PRKAA1: variants seen among roughly 807,000 people sequenced by gnomAD.
PRKAA1 encodes 5'-AMP-activated protein kinase catalytic subunit alpha-1.
A neutral mutation model predicts 56.9 loss-of-function variants in PRKAA1; 23 were observed. The ratio of observed to expected loss-of-function variants is 0.40; its 90% CI spans 0.29 to 0.57. The LOEUF (loss-of-function observed/expected upper bound fraction) is 0.57, where lower values mean the gene tolerates loss of function less well. Ranked by LOEUF, PRKAA1 falls within the 20% of genes least tolerant of loss-of-function variation. The pLI, the probability that PRKAA1 is intolerant of heterozygous loss-of-function variation, is 0.39. For missense variants in PRKAA1, 413 were observed against 679.7 expected (o/e 0.61, Z 4.36); for synonymous variants, 226 against 227.0 (o/e 1.00, Z 0.04).
rs141391553 is a variant in PRKAA1 at position 40,776,780 on chromosome 5, G to A, written c.269+665C>T. Among the ~76,000 whole-genome samples, 6 of 152,244 alleles carry A rather than the reference G, an allele frequency of 3.9e-5. No homozygotes were observed. The East Asian group carries it at 1.2e-3, about 29-fold the overall frequency. On this transcript the variant is annotated intron_variant, in intron 2 of 8. Transcript: ENST00000397128. The stretch of plus-strand genomic sequence containing the variant: ...ATGGGGAAAAACCCTTTCTACTACC[G>A]CATTCTCACTAGTGAGGCTAACTGA...
chr5:40,762,881 G>T lies in PRKAA1; in HGVS notation c.1577C>A (p.Thr526Asn), dbSNP rs1314323666. 5 of 1,614,034 alleles carry T rather than the reference G, an allele frequency of 3.1e-6. No individual in the cohort carries two copies. The African/African-American group carries it at 6.7e-5, about 22-fold the overall frequency. The change falls in exon 9 of 9, where the codon ACC (threonine) becomes AAC (asparagine). Residue 526 changes from threonine to asparagine, a missense_variant. Physicochemically the swap from Thr to Asn is moderately conservative, Grantham distance 65 (BLOSUM62 0). Transcript: ENST00000397128. ...SSEVSLTSSV[T>N]SLDSSPVDLT... ...GTCAACAGGAGAAGAGTCAAGTGAG[G>T]TCACAGATGAGGTAAGAGAAACTTC...
At chr5:40,769,159 A>C (rs1251532125) in intron 5 of PRKAA1, among the ~76,000 whole-genome samples, 1 of 152,180 alleles carries the variant, frequency 6.6e-6, no homozygotes, top group Non-Finnish European at 1.5e-5. Context: ...CCAGTGTCTT[A>C]CCTACTTTTT....
intron 4 of PRKAA1, among the ~76,000 whole-genome samples, chr5:40,770,556 C>A (rs1018078618): frequency 2.7e-5 from 4 of 148,876 alleles, no homozygotes; most frequent in African/African-American, 9.9e-5. Flanking sequence ...TTAGTAAGGT[C>A]AATGGCAATT....
intron 1 of PRKAA1, among the ~76,000 whole-genome samples, chr5:40,780,237 T>C (rs1388953014): frequency 3.9e-5 from 6 of 152,182 alleles, no homozygotes; most frequent in African/African-American, 1.4e-4. Context: ...CCAATAATAA[T>C]TAGCTTTTAA....
At chr5:40,776,666 G>C (rs1381681062) in intron 2 of PRKAA1, among the ~76,000 whole-genome samples, 2 of 152,202 alleles carry the variant, frequency 1.3e-5, no homozygotes, top group African/African-American at 4.8e-5. Context: ...CTCTATAACT[G>C]GCAACTGTAA....
At chr5:40,775,223 A>T (rs1056811792) in intron 3 of PRKAA1, among the ~76,000 whole-genome samples, 187 bp downstream of exon 3, 3 of 152,232 alleles carry the variant, frequency 2.0e-5, no homozygotes, top group African/African-American at 7.2e-5. Flanking sequence ...CATCTGTATA[A>T]ACAGGCTAAG....
intron 1 of PRKAA1, among the ~76,000 whole-genome samples, chr5:40,778,535 T>C (rs1744120972): frequency 6.6e-6 from 1 of 152,032 alleles, no homozygotes; most frequent in Admixed American, 6.5e-5. Flanking sequence ...TAACCTATCA[T>C]ACACACAGAC....
Position 40,762,988 on chromosome 5 carries a change from A to T in PRKAA1, c.1470T>A (p.Thr490=), listed in dbSNP as rs1211855992. The change falls in exon 9 of 9, where the codon ACT becomes ACA. Residue 490 remains threonine, a synonymous_variant. Transcript: ENST00000397128. ...EITEAKSGTA[T]PQRSGSVSNY... is the part of the protein sequence containing the mutation. ...TGCTAACTGATCCCGATCTCTGTGG[A>T]GTAGCAGTCCCTGATTTGGCTTCTG... The T allele has an allele frequency of 6.2e-7, 1 of 1,614,136 alleles. No individual in the cohort carries two copies. The highest frequency in any genetic ancestry group is 1.1e-5 in the South Asian group (1 of 91,080).
At chr5:40,770,075 T>G (rs1297294888) in intron 4 of PRKAA1, among the ~76,000 whole-genome samples, 3 of 150,132 alleles carry the variant, frequency 2.0e-5, no homozygotes, top group African/African-American at 7.3e-5. Context: ...TCAGGTTTGG[T>G]TGGCATTTTC....
chr5:40,796,794 G>C (rs1379537347), intron 1 of PRKAA1, among the ~76,000 whole-genome samples: 2 of 152,200 alleles, frequency 1.3e-5, no homozygotes, highest in African/African-American at 4.8e-5. Flanking sequence ...CTCTGGAAGA[G>C]TAAGGCTCAG....
At chr5:40,797,856 C>T (rs950163881) in intron 1 of PRKAA1, among the ~76,000 whole-genome samples, 5 of 152,190 alleles carry the variant, frequency 3.3e-5, no homozygotes, top group Middle Eastern at 3.4e-3. Flanking sequence ...GCGACTGGCC[C>T]CTACCCCACC....
At chr5:40,795,384 A>C (rs1173036400) in intron 1 of PRKAA1, among the ~76,000 whole-genome samples, 2 of 152,168 alleles carry the variant, frequency 1.3e-5, no homozygotes, top group Non-Finnish European at 2.9e-5. Context: ...CCAATAACTT[A>C]AAGAAAAATT....
In PRKAA1 at chr5:40,762,872, T is replaced by A; in HGVS notation, c.1586A>T (p.Asp529Val). The A allele has an allele frequency of 2.5e-6, 4 of 1,614,104 alleles. No individual in the cohort carries two copies. Among genetic ancestry groups the A allele is most frequent in the Non-Finnish European group, 3.4e-6 (4 of 1,180,018 alleles). Residue 529 changes from aspartate to valine, a missense_variant, in exon 9 of 9, where the codon GAC (aspartate) becomes GTC (valine). Physicochemically the swap from Asp to Val is radical, Grantham distance 152. This residue lies in a region of PRKAA1 where 139 missense variants were observed against 171.5 expected (regional missense o/e 0.81). Transcript: ENST00000397128. ...TGGAGTTAGGTCAACAGGAGAAGAG[T>A]CAAGTGAGGTCACAGATGAGGTAAG... ...VSLTSSVTSL[D>V]SSPVDLTPRP...
At chr5:40,780,771 C>T (rs1458157370) in intron 1 of PRKAA1, among the ~76,000 whole-genome samples, 1 of 152,192 alleles carries the variant, frequency 6.6e-6, no homozygotes, top group African/African-American at 2.4e-5. Context: ...TTTGTTTTCT[C>T]TGGGCCCCCA....
In PRKAA1 at chr5:40,765,083, T is replaced by C; in HGVS notation, c.977A>G (p.Asn326Ser). 1 of 1,614,194 alleles carries C rather than the reference T, an allele frequency of 6.2e-7. No individual in the cohort carries two copies. Among genetic ancestry groups the C allele is most frequent in the Non-Finnish European group, 8.5e-7 (1 of 1,180,024 alleles). The change falls in exon 7 of 9, where the codon AAT becomes AGT. Residue 326 changes from asparagine (N) to serine (S), a missense_variant. Coordinates refer to ENST00000397128, the MANE Select transcript of PRKAA1 (RefSeq NM_006251.6). ...EEVLSCLYNR[N>S]HQDPLAVAYH... Reference sequence around the variant, plus strand: ...GGCAACTGCCAAAGGATCCTGGTGATTTCTGTTGTAAAGACAGCTGAGAAC... The same window carrying C: ...GGCAACTGCCAAAGGATCCTGGTGACTTCTGTTGTAAAGACAGCTGAGAAC...
intron 1 of PRKAA1, among the ~76,000 whole-genome samples, chr5:40,786,707 G>A (rs1416910295): frequency 6.7e-6 from 1 of 149,008 alleles, no homozygotes; most frequent in African/African-American, 2.5e-5. Flanking sequence ...TTGGGAGGCC[G>A]AGGCAGGCAG....
chr5:40,768,324 GAAGA>G, intron 5 of PRKAA1: 3 of 606,352 alleles, frequency 4.9e-6, no homozygotes, highest in African/African-American at 2.0e-5. Flanking sequence ...CCAAGAGCTT[GAAGA>G]AAGACTTTAT....
intron 1 of PRKAA1, among the ~76,000 whole-genome samples, chr5:40,787,656 G>A (rs1403307252): frequency 1.3e-5 from 2 of 151,846 alleles, no homozygotes; most frequent in Non-Finnish European, 2.9e-5. Flanking sequence ...GATGTTTTGT[G>A]TAAGCCACAG....
At position 40,794,527 on chromosome 5, in the gene PRKAA1, T is replaced by A. The variant is rs1744845964; in HGVS notation, c.127+3536A>T. On this transcript the variant is annotated intron_variant, in intron 1 of 8. Coordinates refer to ENST00000397128, the MANE Select transcript of PRKAA1 (RefSeq NM_006251.6). Reference sequence around the variant, plus strand: ...CTATTTATCTTTGTTTTTATTGCATTTGCTTTTGGGTTCTTAGTCATTAAA... The same window carrying A: ...CTATTTATCTTTGTTTTTATTGCATATGCTTTTGGGTTCTTAGTCATTAAA... Among the ~76,000 whole-genome samples, 2 of 63,650 alleles carry A rather than the reference T, an allele frequency of 3.1e-5. 1 individual carries two copies. The highest frequency in any genetic ancestry group is 8.9e-5 in the Non-Finnish European group (2 of 22,496). 41.8% of individuals were successfully genotyped at this position (63,650 alleles called of 152,430 possible).
Sources: gnomAD v4.1 joint callset for allele counts (sites outside exome capture counted in the v4.1 genomes callset) on GRCh38, gnomAD v4.1.1 for gene constraint, gnomAD v4.1.1 regional missense constraint, MANE v1.5 for transcripts, NCBI Gene and HGNC (gene_info 2026-07-23, HGNC 2026-07-21) for gene names.